CSMD3: variants seen among roughly 807,000 people sequenced by gnomAD.
CSMD3 encodes the protein CUB and sushi domain-containing protein 3.
Under a neutral mutation model 435.2 loss-of-function variants are expected in CSMD3, and 177 were observed. The ratio of observed to expected loss-of-function variants is 0.41; its 90% CI spans 0.36 to 0.46. The LOEUF is 0.46. Among genes scored for constraint, CSMD3 ranks in the 20% least tolerant of loss-of-function variants. The probability of loss-of-function intolerance (pLI) is 0.34; values close to 1 mark genes in which losing one functional copy is unlikely to be tolerated. For synonymous variants in CSMD3, 1,656 were observed against 1,520.5 expected (o/e 1.09, Z -2.07); for missense variants, 4,265 against 4,504.6 (o/e 0.95, Z 1.52).
chr8:112,734,525 G>C (rs955802822), intron 13 of CSMD3, among the ~76,000 whole-genome samples: 1 of 151,914 alleles, frequency 6.6e-6, no homozygotes, highest in Non-Finnish European at 1.5e-5. Context: ...TTTTTTGTGA[G>C]ACTTTTGTCT....
rs191519799 is a variant in CSMD3, at chr8:112,445,050, C to G, written c.5395+27541G>C. Among the ~76,000 whole-genome samples, 45 of 152,178 alleles carry G rather than the reference C, an allele frequency of 3.0e-4. No individual in the cohort carries two copies. The East Asian group carries it at 8.5e-3, about 29-fold the overall frequency. On this transcript the variant is annotated intron_variant, in intron 32 of 70. Transcript: ENST00000297405. ...TTGAGGTCAGAAGTTCAAGACCAGT[C>G]TGGGCAACATGGTGAAACCCCTTCT...
chr8:112,692,299 G>A (rs555603780), intron 13 of CSMD3, among the ~76,000 whole-genome samples: 1 of 152,052 alleles, frequency 6.6e-6, no homozygotes, highest in Admixed American at 6.6e-5. Flanking sequence ...TTGATATGGA[G>A]AGATTTTATT....
At position 112,666,386 on chromosome 8, in the gene CSMD3, T is replaced by C. The variant is rs985858641; in HGVS notation, c.2707A>G (p.Ser903Gly). The change falls in exon 17 of 71, where the codon AGT becomes GGT. Residue 903 changes from serine to glycine, a missense_variant. Physicochemically the swap from Ser to Gly is moderately conservative, Grantham distance 56. Coordinates refer to ENST00000297405, the MANE Select transcript of CSMD3 (RefSeq NM_198123.2). Reference protein sequence around the residue: ...APCGGHFSAPSGVILSPGWPG... With the variant: ...APCGGHFSAPGGVILSPGWPG... Reference sequence around the variant, plus strand: ...CATCCTGGTGAGAGAATCACTCCACTGGGAGCTGAAAAATGGCCACCACAT... The same window carrying C: ...CATCCTGGTGAGAGAATCACTCCACCGGGAGCTGAAAAATGGCCACCACAT... The C allele has an allele frequency of 1.2e-6, 2 of 1,612,528 alleles. No homozygotes were observed. The highest frequency in any genetic ancestry group is 1.7e-6 in the Non-Finnish European group (2 of 1,179,202).
At chr8:112,989,012 C>T (rs1554741852) in intron 6 of CSMD3, among the ~76,000 whole-genome samples, 1 of 152,004 alleles carries the variant, frequency 6.6e-6, no homozygotes, top group Non-Finnish European at 1.5e-5. Flanking sequence ...GTCATTTATT[C>T]ATTCTTCCAG....
intron 9 of CSMD3, among the ~76,000 whole-genome samples, chr8:112,929,020 G>A (rs1428134072): frequency 6.8e-6 from 1 of 147,084 alleles, no homozygotes; most frequent in South Asian, 2.2e-4. Flanking sequence ...GTTTTGATTT[G>A]CATTTCTCTG....
chr8:112,308,578 G>C (rs1049307182), intron 50 of CSMD3, among the ~76,000 whole-genome samples: 1 of 151,930 alleles, frequency 6.6e-6, no homozygotes, highest in African/African-American at 2.4e-5. Context: ...TGTAAAAGAG[G>C]CTTGTCTATA....
chr8:112,664,822 C>G (rs550671872), intron 17 of CSMD3, among the ~76,000 whole-genome samples: 1 of 152,242 alleles, frequency 6.6e-6, no homozygotes, highest in East Asian at 1.9e-4. Flanking sequence ...CCAGAATAAA[C>G]TGTCTTGTGG....
Position 112,369,948 on chromosome 8 carries a change from G to C in CSMD3, c.6136+10404C>G, listed in dbSNP as rs200469588. ...TGCTATTGCAAGAAGAAGAAGAAGAGGGGGAGGAGGAGGAGGAAGAAGAAG... is the reference window on the plus strand; with the variant it reads ...TGCTATTGCAAGAAGAAGAAGAAGACGGGGAGGAGGAGGAGGAAGAAGAAG... On this transcript the variant is annotated intron_variant, in intron 38 of 70. Transcript: ENST00000297405. 3.6e-5 allele frequency among the ~76,000 whole-genome samples: 2 copies of C among 56,258 alleles called. 1 individual carries two copies. The highest frequency in any genetic ancestry group is 1.0e-4 in the Non-Finnish European group (2 of 19,216). The allele number at this position is 56,258 out of a possible 152,430, so 36.9% of individuals were successfully genotyped here.
At chr8:112,966,471 CTTTTTTTCATTTTTAAAAAT>C (rs2084419435) in intron 7 of CSMD3, among the ~76,000 whole-genome samples, 1 of 150,796 alleles carries the variant, frequency 6.6e-6, no homozygotes, top group South Asian at 2.1e-4. Context: ...TTTTCTTCTT[CTTTTTTTCATTTTTAAAAAT>C]TTTTTTTTTT....
At chr8:112,267,131 A>G (rs16883329) in intron 59 of CSMD3, among the ~76,000 whole-genome samples, 5,305 of 152,186 alleles carry the variant, frequency 0.035, 311 homozygotes, top group African/African-American at 0.12. Flanking sequence ...CCTTAGTTAC[A>G]TTGTATTTAT....
At chr8:112,236,127 TAATAAG>T (rs1481058115) in intron 67 of CSMD3, among the ~76,000 whole-genome samples, 2 of 151,938 alleles carry the variant, frequency 1.3e-5, no homozygotes, top group Non-Finnish European at 2.9e-5. Flanking sequence ...GATCATTCAA[TAATAAG>T]AATGACACTC....
At chr8:112,374,090 T>C (rs1828709913) in intron 38 of CSMD3, among the ~76,000 whole-genome samples, 1 of 152,210 alleles carries the variant, frequency 6.6e-6, no homozygotes. Flanking sequence ...ACTTAGTCTT[T>C]AAATTTTCTT....
At chr8:112,631,515 A>G (rs2074514468) in intron 22 of CSMD3, among the ~76,000 whole-genome samples, 1 of 152,116 alleles carries the variant, frequency 6.6e-6, no homozygotes, top group Admixed American at 6.6e-5. Context: ...AAGAATTACA[A>G]ATCTTTGTTT....
At chr8:112,747,973 A>C (rs1413146957) in intron 13 of CSMD3, among the ~76,000 whole-genome samples, 1 of 151,572 alleles carries the variant, frequency 6.6e-6, no homozygotes, top group Non-Finnish European at 1.5e-5. Context: ...AAAAAAAAAA[A>C]AAAAAAAAAA....
chr8:112,587,306 T>C (rs909702861), intron 22 of CSMD3, 71 bp from the exon 23 acceptor site: 113 of 1,130,958 alleles, frequency 1.0e-4, no homozygotes, highest in Non-Finnish European at 1.4e-4. Flanking sequence ...ATATCATGTA[T>C]GGAAGTGTTA....
At chr8:112,490,375 A>G (rs1234873348) in intron 31 of CSMD3, among the ~76,000 whole-genome samples, 1 of 152,154 alleles carries the variant, frequency 6.6e-6, no homozygotes. Context: ...TAATTGGGCC[A>G]TAAGTGATCC....
rs1358982665 is a variant in CSMD3, at chr8:112,503,869, T to A, written c.5004A>T (p.Glu1668Asp). 6.2e-7 allele frequency: 1 copy of A among 1,613,320 alleles called. No individual in the cohort carries two copies. The highest frequency in any genetic ancestry group is 8.5e-7 in the Non-Finnish European group (1 of 1,179,474). ...FQDSKLPERI[E>D]SSSNTMHLAF... ...CCAAATGCATTGTATTTGAGCTGCT[T>A]TCTATTCTCTCTGGTAACTTGCTGT... Residue 1668 changes from glutamate (E) to aspartate (D), a missense_variant, in exon 30 of 71, where the codon GAA becomes GAT. This residue lies in a region of CSMD3 where 3,255 missense variants were observed against 3,380.2 expected (regional missense o/e 0.96). Transcript: ENST00000297405.
rs2088313368 is a variant in CSMD3 at position 113,055,891 on chromosome 8, G to A, written c.918-36712C>T. Among the ~76,000 whole-genome samples, 5 of 152,066 alleles carry A rather than the reference G, an allele frequency of 3.3e-5. No individual in the cohort carries two copies. In the South Asian group the frequency reaches 1.0e-3, roughly 32 times the overall value. ...GAAGATGAACCTTCTCAAGTACCAG[G>A]CAAAGGCTTGCAAACCGCAGAAGGT... is the stretch of plus-strand genomic sequence containing the variant. On this transcript the variant is annotated intron_variant, in intron 5 of 70. Transcript: ENST00000297405.
At chr8:112,408,787 A>C in intron 33 of CSMD3, 132 bp downstream of exon 33, 1 of 1,454,586 alleles carries the variant, frequency 6.9e-7, no homozygotes. Flanking sequence ...CTTTAGAAAA[A>C]AAAAAGGTGA....
Sources: gnomAD v4.1 joint callset for allele counts (sites outside exome capture counted in the v4.1 genomes callset) on GRCh38, gnomAD v4.1.1 for gene constraint, gnomAD v4.1.1 regional missense constraint, MANE v1.5 for transcripts, NCBI Gene and HGNC (gene_info 2026-07-23, HGNC 2026-07-21) for gene names.